The following ZNF483 variants were observed in gnomAD, a reference collection of about 807,000 sequenced individuals.
ZNF483 encodes zinc finger protein 483.
A neutral mutation model predicts 28.6 loss-of-function variants in ZNF483; 9 were observed. The ratio of observed to expected loss-of-function variants is 0.32; its 90% CI spans 0.19 to 0.55. ZNF483 has a LOEUF of 0.55. ZNF483 is among the 20% of genes least tolerant of loss of function. The pLI is 0.93. For synonymous variants in ZNF483, 322 were observed against 306.2 expected, an observed-to-expected ratio of 1.05 and a Z score of -0.54; for missense variants, 675 against 871.7, an observed-to-expected ratio of 0.77 and a Z score of 2.84.
Position 111,527,476 on chromosome 9 carries a change from G to A in ZNF483, c.81G>A (p.Glu27=). The change falls in exon 2 of 6, where the codon GAG becomes GAA. Residue 27 remains glutamate (E), a synonymous_variant. Transcript: ENST00000309235. ...CTCTGGCCTCGACTGAACAAAATGA[G>A]GTCCCAAGAGTGGTTACTTCTGGGG... ...PQTLASTEQN[E]VPRVVTSGEQ... The A allele has an allele frequency of 6.2e-7, 1 of 1,614,182 alleles. No individual in the cohort carries two copies. The highest frequency in any genetic ancestry group is 8.5e-7 in the Non-Finnish European group (1 of 1,180,030).
Position 111,571,142 on chromosome 9 carries a change from G to A in ZNF483, c.722-5223G>A, listed in dbSNP as rs115621848. ...AGAATAAGTGTGTGGGGTCGGGTGC[G>A]TGGCTCATGCCTATAATCCAGCATT... On this transcript the variant is annotated intron_variant, in intron 5 of 5. Coordinates refer to the ZNF483 transcript ENST00000358151. Among the ~76,000 whole-genome samples the A allele has an allele frequency of 2.4e-3, 365 of 149,886 alleles. 10 individuals carry two copies. Among genetic ancestry groups the A allele is most frequent in the African/African-American group, 8.6e-3 (356 of 41,436 alleles).
Position 111,544,138 on chromosome 9 carries a change from G to A in ZNF483, c.*968G>A, listed in dbSNP as rs774596820. 25 of 985,426 alleles carry A rather than the reference G, an allele frequency of 2.5e-5. No individual in the cohort carries two copies. Among genetic ancestry groups the A allele is most frequent in the South Asian group, 1.4e-4 (3 of 21,288 alleles). 61.0% of individuals were successfully genotyped at this position (985,426 alleles called of 1,614,324 possible). On this transcript the variant is annotated 3_prime_UTR_variant, in exon 6 of 6. Coordinates refer to ENST00000309235, the MANE Select transcript of ZNF483 (RefSeq NM_133464.5). ...AGCTTGCACCTGAGCCATCTCAGCC[G>A]TGAGAGTAACAGTCCTAGGAAAATA...
downstream of ZNF483, among the ~76,000 whole-genome samples, chr9:111,560,111 C>A (rs925784969): frequency 5.9e-5 from 9 of 151,324 alleles, no homozygotes. Flanking sequence ...TTTGGGAGGC[C>A]TAGGTGGGTG....
At chr9:111,578,134 A>C (rs1249755863), downstream of ZNF483, among the ~76,000 whole-genome samples, 3 of 152,190 alleles carry the variant, frequency 2.0e-5, no homozygotes, top group Admixed American at 2.0e-4. Context: ...GTTTTTTAAA[A>C]AAGGCATATA....
At chr9:111,535,105 A>G (rs61682526) in intron 5 of ZNF483, among the ~76,000 whole-genome samples, 10,983 of 152,210 alleles carry the variant, frequency 0.072, 611 homozygotes, top group East Asian at 0.26. Context: ...CTGTGTCTCA[A>G]AGAAATGGGC....
intron 5 of ZNF483, among the ~76,000 whole-genome samples, chr9:111,540,819 T>A (rs1827652878): frequency 2.0e-5 from 3 of 152,168 alleles, no homozygotes; most frequent in African/African-American, 7.2e-5. Context: ...TCAGACTAAG[T>A]TAAAAATCTG....
chr9:111,541,820 T>C lies in ZNF483; in HGVS notation c.885T>C (p.Ser295=). The change falls in exon 6 of 6, where the codon AGT becomes AGC. Residue 295 remains serine, a synonymous_variant. Transcript: ENST00000309235. ...AAAACAAAACTCTTGGGAGTGGCAG[T>C]AGGGGTAAGAAATTTGACCCAGATA... ...VAQNKTLGSG[S]RGKKFDPDKS... 1 of 1,614,114 alleles carries C rather than the reference T, an allele frequency of 6.2e-7. No individual in the cohort carries two copies. The highest frequency in any genetic ancestry group is 8.5e-7 in the Non-Finnish European group (1 of 1,180,024).
intron 5 of ZNF483, among the ~76,000 whole-genome samples, chr9:111,570,663 CAGCTACTT>C (rs1412016799): frequency 6.6e-6 from 1 of 151,596 alleles, no homozygotes; most frequent in African/African-American, 2.4e-5. Flanking sequence ...CCTATAGTCC[CAGCTACTT>C]GGGAGGCTGA....
At chr9:111,537,006 G>C (rs975470925) in intron 5 of ZNF483, among the ~76,000 whole-genome samples, 1 of 152,162 alleles carries the variant, frequency 6.6e-6, no homozygotes, top group Admixed American at 6.5e-5. Flanking sequence ...AAGCAGTTCA[G>C]CTTTTTCTTG....
Position 111,576,467 on chromosome 9 carries a change from G to A in ZNF483, c.*53G>A, listed in dbSNP as rs1829060058. 7.4e-6 allele frequency: 12 copies of A among 1,612,420 alleles called. No homozygotes were observed. The Admixed American group carries it at 2.0e-4, about 27-fold the overall frequency. ...TGTTACACAGAGATGACCAGAGGAT[G>A]GGGCCACTGCAGTGCAGTTCAAGAG... is the stretch of plus-strand genomic sequence containing the variant. On this transcript the variant is annotated 3_prime_UTR_variant, in exon 6 of 6. Coordinates refer to the ZNF483 transcript ENST00000358151.
rs918493459 is a variant in ZNF483, at chr9:111,548,849, T to C, written c.*5679T>C. Among the ~76,000 whole-genome samples, 1 of 151,926 alleles carries C rather than the reference T, an allele frequency of 6.6e-6. No homozygotes were observed. The highest frequency in any genetic ancestry group is 2.4e-5 in the African/African-American group (1 of 41,330). On this transcript the variant is annotated 3_prime_UTR_variant, in exon 6 of 6. Transcript: ENST00000309235. ...TTTTTTTCTTTCTGCATTAAGAGTATAACAACGCCACAGCCTTCTGGCTTC... is the reference window on the plus strand; with the variant it reads ...TTTTTTTCTTTCTGCATTAAGAGTACAACAACGCCACAGCCTTCTGGCTTC...
downstream of ZNF483, among the ~76,000 whole-genome samples, chr9:111,558,208 G>A (rs1482710290): frequency 6.6e-6 from 1 of 152,164 alleles, no homozygotes; most frequent in Non-Finnish European, 1.5e-5. Flanking sequence ...TCAGGTATTT[G>A]TCTCAGTACG....
intron 5 of ZNF483, among the ~76,000 whole-genome samples, chr9:111,572,934 T>C (rs1362116517): frequency 6.6e-6 from 1 of 152,134 alleles, no homozygotes; most frequent in African/African-American, 2.4e-5. Flanking sequence ...GTTTTTTTAC[T>C]GAGAGCAAAA....
intron 5 of ZNF483, among the ~76,000 whole-genome samples, chr9:111,565,111 C>T (rs1160915309): frequency 1.3e-5 from 2 of 151,570 alleles, no homozygotes; most frequent in African/African-American, 2.4e-5. Context: ...GCAACAAGAG[C>T]AAAACTCCAT....
At chr9:111,538,249 T>C (rs1339376205) in intron 5 of ZNF483, among the ~76,000 whole-genome samples, 3 of 150,784 alleles carry the variant, frequency 2.0e-5, no homozygotes, top group Admixed American at 6.6e-5. Flanking sequence ...GCATGGCGGC[T>C]CCCACCTGTA....
intron 2 of ZNF483, 52 bp downstream of exon 2, chr9:111,527,859 A>G: frequency 6.2e-7 from 1 of 1,613,960 alleles, no homozygotes; most frequent in Non-Finnish European, 8.5e-7. Flanking sequence ...TCAAAGTCCG[A>G]AAGTAAATTC....
rs553444397 is a variant in ZNF483, at chr9:111,526,869, G to A, written c.-128-399G>A. Among the ~76,000 whole-genome samples, 8 of 152,288 alleles carry A rather than the reference G, an allele frequency of 5.3e-5. No individual in the cohort carries two copies. The East Asian group carries it at 1.5e-3, about 29-fold the overall frequency. On this transcript the variant is annotated intron_variant, in intron 1 of 5. Transcript: ENST00000309235. ...AATCCTGACACTTTGGGAGGCTGAG[G>A]TGGGTGGATCGCCTGAAGTCAGGAG...
At chr9:111,563,115 T>C in intron 5 of ZNF483, 3 of 1,612,394 alleles carry the variant, frequency 1.9e-6, no homozygotes, top group Non-Finnish European at 2.5e-6. Context: ...CCATGTGTCC[T>C]CTTTTTCATG....
chr9:111,569,929 A>G, intron 5 of ZNF483: 2 of 1,173,470 alleles, frequency 1.7e-6, no homozygotes, highest in Non-Finnish European at 2.4e-6. Context: ...CCTTTCAAAG[A>G]TGGGAAAAGT....
Sources: gnomAD v4.1 joint callset for allele counts (sites outside exome capture counted in the v4.1 genomes callset) on GRCh38, gnomAD v4.1.1 for gene constraint, MANE v1.5 for transcripts, NCBI Gene and HGNC (gene_info 2026-07-23, HGNC 2026-07-21) for gene names.